DNAH9: variants seen among roughly 807,000 people sequenced by gnomAD.
The protein encoded by DNAH9 is DNAH9 variant protein.
In DNAH9, 345 loss-of-function variants were observed where a neutral mutation model predicts 471.6. The observed-to-expected ratio is 0.73, with a 90% CI of 0.67 to 0.80. The LOEUF (loss-of-function observed/expected upper bound fraction) is 0.80. Ranked by LOEUF, DNAH9 falls within the 30% of genes least tolerant of loss-of-function variation. DNAH9 has a pLI of 0.00. For missense variants in DNAH9, 5,407 were observed against 5,609.2 expected (o/e 0.96, Z 1.15); for synonymous variants, 2,093 against 2,123.6 (o/e 0.99, Z 0.40).
At chr17:11,726,777 G>T (rs1381394350) in intron 27 of DNAH9, among the ~76,000 whole-genome samples, 6 of 152,128 alleles carry the variant, frequency 3.9e-5, no homozygotes, top group African/African-American at 1.4e-4. Context: ...GGCTGGGCAT[G>T]GTGGCTTATG....
Position 11,821,904 on chromosome 17 carries a change from C to A in DNAH9, c.8708-16C>A. On this transcript the variant is annotated splice_polypyrimidine_tract_variant and intron_variant, in intron 45 of 68. Transcript: ENST00000262442. ...GAGATGCCAAGGCTGCCTATCTGTG[C>A]TCCATTTTTTCCCAGGGGAGATCCC... The A allele has an allele frequency of 6.2e-7, 1 of 1,604,300 alleles. No individual in the cohort carries two copies.
rs370384206 is a variant in DNAH9 at position 11,668,487 on chromosome 17, A to T, written c.2732-577A>T. On this transcript the variant is annotated intron_variant, in intron 15 of 68. Transcript: ENST00000262442. ...TGAGACCAGCCTGGCCAGTGTGGTG[A>T]CACCCTATCTCTACTACAAATACAA... 9.9e-5 allele frequency among the ~76,000 whole-genome samples: 15 copies of T among 152,176 alleles called. No individual in the cohort carries two copies. The East Asian group carries it at 1.2e-3, about 12-fold the overall frequency.
chr17:11,649,352 A>T (rs550931772), intron 12 of DNAH9, among the ~76,000 whole-genome samples: 1 of 152,286 alleles, frequency 6.6e-6, no homozygotes, highest in South Asian at 2.1e-4. Flanking sequence ...ATCTTTTTAC[A>T]TATTTATATC....
Position 11,874,955 on chromosome 17 carries a change from A to G in DNAH9, c.10249A>G (p.Ile3417Val), listed in dbSNP as rs1205954846. 3.7e-6 allele frequency: 6 copies of G among 1,613,440 alleles called. No individual in the cohort carries two copies. The highest frequency in any genetic ancestry group is 1.7e-4 in the Middle Eastern group (1 of 5,996). Residue 3417 changes from isoleucine to valine, a missense_variant, in exon 53 of 69, where the codon ATT becomes GTT. Ile to Val is a conservative substitution (Grantham distance 29). Around this residue, in one of 3 missense-constraint regions of DNAH9, gnomAD observed 4,636 missense variants for 4,900.3 expected, o/e 0.95. Transcript: ENST00000262442. ...RPYLSQLKTP[I>V]PVTPALDPLR... ...GGTGTTTCTTCTTCACCAGACTCCC[A>G]TTCCAGTCACCCCAGCCCTGGATCC...
intron 29 of DNAH9, among the ~76,000 whole-genome samples, chr17:11,739,358 C>T (rs1350573461): frequency 6.6e-6 from 1 of 152,172 alleles, no homozygotes; most frequent in East Asian, 1.9e-4. Flanking sequence ...TGATAAATCT[C>T]ATTTCATGGC....
At chr17:11,881,517 G>A in intron 55 of DNAH9, 104 bp downstream of exon 55, 2 of 1,178,252 alleles carry the variant, frequency 1.7e-6, no homozygotes, top group Non-Finnish European at 2.3e-6. Context: ...TGAGTTAGGT[G>A]GGTTCTGCTA....
chr17:11,808,743 A>G (rs142288659), intron 44 of DNAH9, among the ~76,000 whole-genome samples: 86 of 152,320 alleles, frequency 5.6e-4, no homozygotes, highest in Middle Eastern at 3.4e-3. Flanking sequence ...TTTACTCTAT[A>G]TGGGAATCGC....
At chr17:11,629,975 AG>A (rs11304914) in intron 7 of DNAH9, among the ~76,000 whole-genome samples, 1,969 of 151,954 alleles carry the variant, frequency 0.013, 38 homozygotes, top group African/African-American at 0.044. Flanking sequence ...CAACTATATG[AG>A]GCATCTGAAA....
Position 11,947,772 on chromosome 17 carries a change from A to AATTTTTTTTTTTTTTTTTTTTTTTTT in DNAH9, c.12843+5287_12843+5288insATTTTTTTTTTTTTTTTTTTTTTTTT, listed in dbSNP as rs1555528615. 8.3e-5 allele frequency among the ~76,000 whole-genome samples: 9 copies of AATTTTTTTTTTTTTTTTTTTTTTTTT among 108,344 alleles called. 4 individuals carry two copies. Among genetic ancestry groups the AATTTTTTTTTTTTTTTTTTTTTTTTT allele is most frequent in the Non-Finnish European group, 3.6e-5 (2 of 56,146 alleles). The allele number at this position is 108,344 out of a possible 152,430, so 71.1% of individuals were successfully genotyped here. ...CAGAATCTGGGAGGGGCTGGGAACT[A>AATTTTTTTTTTTTTTTTTTTTTTTTT]TTTTTTTTTTTTTTTTTTTTTTTTT... On this transcript the variant is annotated intron_variant, in intron 67 of 68. Coordinates refer to ENST00000262442, the MANE Select transcript of DNAH9 (RefSeq NM_001372.4).
At position 11,675,662 on chromosome 17, in the gene DNAH9, T is replaced by C. The variant is rs147437484; in HGVS notation, c.3354-4095T>C. Among the ~76,000 whole-genome samples the C allele has an allele frequency of 4.8e-3, 730 of 152,340 alleles. 10 individuals carry two copies. The highest frequency in any genetic ancestry group is 0.017 in the African/African-American group (690 of 41,592). ...TTTAGCATAAATGGATGTAAAATTG[T>C]ATCAAGTGTTTTATCTATGTCCATT... is the stretch of plus-strand genomic sequence containing the variant. On this transcript the variant is annotated intron_variant, in intron 17 of 68. Coordinates refer to ENST00000262442, the MANE Select transcript of DNAH9 (RefSeq NM_001372.4).
Position 11,752,897 on chromosome 17 carries a change from A to C in DNAH9, c.6675A>C (p.Leu2225Phe). 6.2e-7 allele frequency: 1 copy of C among 1,609,612 alleles called. No homozygotes were observed. Among genetic ancestry groups the C allele is most frequent in the Non-Finnish European group, 8.5e-7 (1 of 1,177,556 alleles). ...CCCATGATGGGCCCAAGTGGATTTT[A>C]CTGGATGGCGACATAGATCCAATGT... ...NITHDGPKWI[L>F]LDGDIDPMWI... Residue 2225 changes from leucine to phenylalanine, a missense_variant, in exon 33 of 69, where the codon TTA (leucine) becomes TTC (phenylalanine). Transcript: ENST00000262442.
chr17:11,690,188 C>T lies in DNAH9; in HGVS notation c.4366C>T (p.Arg1456Trp), dbSNP rs141375188. The change falls in exon 20 of 69, where the codon CGG (arginine) becomes TGG (tryptophan). Residue 1456 changes from arginine to tryptophan, a missense_variant. By Grantham distance (101) the Arg-to-Trp change is moderately radical (BLOSUM62 -3). Coordinates refer to ENST00000262442, the MANE Select transcript of DNAH9 (RefSeq NM_001372.4). ...GMEFQYEPHP[R>W]TNVPLLCSDE... ...GGAATTCCAGTATGAGCCCCACCCA[C>T]GGACCAATGTCCCCCTCCTGTGCTC... is the stretch of plus-strand genomic sequence containing the variant. The T allele has an allele frequency of 8.4e-5, 136 of 1,614,110 alleles. No homozygotes were observed. Among genetic ancestry groups the T allele is most frequent in the Middle Eastern group, 3.3e-4 (2 of 6,084 alleles).
At chr17:11,660,600 G>A (rs1297084720) in intron 14 of DNAH9, among the ~76,000 whole-genome samples, 1 of 152,066 alleles carries the variant, frequency 6.6e-6, no homozygotes, top group Non-Finnish European at 1.5e-5. Flanking sequence ...TGGGATTACA[G>A]GTGTGAACTA....
At position 11,937,507 on chromosome 17, in the gene DNAH9, C is replaced by G. The variant is rs769743676; in HGVS notation, c.12645C>G (p.Ala4215=). The change falls in exon 66 of 69, where the codon GCC becomes GCG. Residue 4215 remains alanine, a synonymous_variant. Transcript: ENST00000262442. This position sits in a 1 kb window ranked among gnomAD's most constrained non-coding sequence, Gnocchi z 4.1. ...GCCAGGCCAGAGACGGAGCGGGCGC[C>G]ACAAGAGAAGAAAAGGTGTGTGTGG... The part of the protein sequence containing the change: ...RDSQARDGAG[A]TREEKVKALL... 5.6e-6 allele frequency: 9 copies of G among 1,612,198 alleles called. No homozygotes were observed. Among genetic ancestry groups the G allele is most frequent in the Non-Finnish European group, 7.6e-6 (9 of 1,178,856 alleles).
intron 67 of DNAH9, among the ~76,000 whole-genome samples, chr17:11,946,980 C>G (rs543267881): frequency 6.6e-6 from 1 of 152,270 alleles, no homozygotes; most frequent in African/African-American, 2.4e-5. Flanking sequence ...TCATATTTGG[C>G]TGGATGGGAG....
rs537616676 is a variant in DNAH9 at position 11,812,143 on chromosome 17, A to C, written c.8707+1774A>C. The stretch of plus-strand genomic sequence containing the variant: ...TATAAATATGTGCATGTTTATATTA[A>C]AGAAAGAATACGCTTTCTTGGCTCT... On this transcript the variant is annotated intron_variant, in intron 45 of 68. Coordinates refer to ENST00000262442, the MANE Select transcript of DNAH9 (RefSeq NM_001372.4). Among the ~76,000 whole-genome samples the C allele has an allele frequency of 1.6e-4, 24 of 149,296 alleles. 2 individuals carry two copies. Among genetic ancestry groups the C allele is most frequent in the Middle Eastern group, 3.6e-3 (1 of 280 alleles).
chr17:11,763,302 C>T (rs539289475), intron 35 of DNAH9, 138 bp from the exon 36 acceptor site: 95 of 726,256 alleles, frequency 1.3e-4, no homozygotes, highest in East Asian at 4.2e-4. Context: ...GCTTAAGTGG[C>T]GCTCTGGTTG....
Position 11,725,207 on chromosome 17 carries a change from A to G in DNAH9, c.5710-2611A>G, listed in dbSNP as rs548809445. Among the ~76,000 whole-genome samples the G allele has an allele frequency of 2.6e-5, 4 of 152,330 alleles. No individual in the cohort carries two copies. The South Asian group carries it at 8.3e-4, about 32-fold the overall frequency. On this transcript the variant is annotated intron_variant, in intron 27 of 68. Transcript: ENST00000262442. ...CTTAACAGACCATGGACAGTTGCCC[A>G]GAGGCTGGGGACCCCTGATTTAAGG...
intron 50 of DNAH9, among the ~76,000 whole-genome samples, chr17:11,855,660 A>C (rs1971600654): frequency 6.6e-6 from 1 of 152,218 alleles, no homozygotes; most frequent in Admixed American, 6.5e-5. Context: ...ACATTACCTT[A>C]AGGCTCAAAA....
Sources: allele counts gnomAD v4.1 joint callset (sites outside exome capture counted in the v4.1 genomes callset), GRCh38; gene constraint gnomAD v4.1.1; regional missense constraint gnomAD v4.1.1; non-coding constraint Gnocchi (gnomAD v3.1); transcripts MANE v1.5; gene names NCBI Gene and HGNC (gene_info 2026-07-23, HGNC 2026-07-21).